Variants in PKD2 observed in about 807,000 individuals in gnomAD.
PKD2 encodes the protein polycystin 2, transient receptor potential cation channel.
Under a neutral mutation model 105.9 loss-of-function variants are expected in PKD2, and 48 were observed. That is an observed-to-expected ratio of 0.45 (90% CI 0.36 to 0.58). The LOEUF (loss-of-function observed/expected upper bound fraction) is 0.58, where lower values mean the gene tolerates loss of function less well. Ranked by LOEUF, PKD2 falls within the 20% of genes least tolerant of loss-of-function variation. PKD2 has a pLI of 0.00. For synonymous variants in PKD2, 464 were observed against 481.1 expected, an observed-to-expected ratio of 0.96 and a Z score of 0.46; for missense variants, 1,078 against 1,255.3, an observed-to-expected ratio of 0.86 and a Z score of 2.13.
At chr4:88,028,759 A>G (rs1009580365) in intron 2 of PKD2, among the ~76,000 whole-genome samples, 3 of 152,248 alleles carry the variant, frequency 2.0e-5, no homozygotes, top group Admixed American at 6.5e-5. Flanking sequence ...CAAAATTCTA[A>G]GTACAGTTTC....
At chr4:88,056,304 A>G (rs761632780) in intron 8 of PKD2, 37 bp downstream of exon 8, 1 of 1,327,934 alleles carries the variant, frequency 7.5e-7, no homozygotes, top group South Asian at 1.2e-5. Context: ...AAATTTAATC[A>G]GAGTTGTCAC....
At chr4:88,015,520 C>G (rs564066381) in intron 1 of PKD2, among the ~76,000 whole-genome samples, 5 of 152,084 alleles carry the variant, frequency 3.3e-5, no homozygotes, top group Non-Finnish European at 5.9e-5. Context: ...TCAAGCGATT[C>G]TCCTGCCTCA....
chr4:88,047,792 G>T (rs959107953), intron 6 of PKD2, among the ~76,000 whole-genome samples: 4 of 152,034 alleles, frequency 2.6e-5, no homozygotes, highest in African/African-American at 9.7e-5. Flanking sequence ...GAGATCAGGA[G>T]TTTGATACCA....
At chr4:88,044,567 A>T (rs770984725) in intron 5 of PKD2, among the ~76,000 whole-genome samples, 8 of 152,228 alleles carry the variant, frequency 5.3e-5, no homozygotes, top group Non-Finnish European at 1.2e-4. Context: ...AGATTTAAGA[A>T]ATTTTTCAGG....
Position 88,038,266 on chromosome 4 carries a change from T to C in PKD2, c.859T>C (p.Leu287=). 6.2e-7 allele frequency: 1 copy of C among 1,614,140 alleles called. No homozygotes were observed. Among genetic ancestry groups the C allele is most frequent in the Non-Finnish European group, 8.5e-7 (1 of 1,179,976 alleles). The change falls in exon 4 of 15, where the codon TTA becomes CTA. Residue 287 remains leucine (L), a synonymous_variant. Coordinates refer to ENST00000237596, the MANE Select transcript of PKD2 (RefSeq NM_000297.4). ...TTGCTTTTAGTTCACAGAAGGCTCCTTATTGGATGGGCTGTACTGGAAGAT... is the reference window on the plus strand; with the variant it reads ...TTGCTTTTAGTTCACAGAAGGCTCCCTATTGGATGGGCTGTACTGGAAGAT... The part of the protein sequence containing the change: ...EDFWKFTEGS[L]LDGLYWKMQP...
intron 2 of PKD2, among the ~76,000 whole-genome samples, chr4:88,029,178 T>C (rs1014511693): frequency 6.6e-6 from 1 of 152,208 alleles, no homozygotes; most frequent in Non-Finnish European, 1.5e-5. Flanking sequence ...ATTCTAGGAC[T>C]TCCCTCTTTG....
chr4:88,071,045 A>T (rs1438033360), intron 13 of PKD2, among the ~76,000 whole-genome samples: 10 of 149,536 alleles, frequency 6.7e-5, no homozygotes, highest in African/African-American at 2.6e-4. Flanking sequence ...TGATGAGACA[A>T]TGTCATCATA....
chr4:88,046,510 G>A (rs948849146), intron 5 of PKD2, 132 bp from the exon 6 acceptor site: 26 of 710,158 alleles, frequency 3.7e-5, no homozygotes, highest in Non-Finnish European at 6.0e-5. Context: ...ATGTTTTGCC[G>A]CTAGTTTGGG....
At position 88,076,582 on chromosome 4, in the gene PKD2, A is replaced by G. The variant is rs945295769; in HGVS notation, c.*888A>G. 1 of 152,230 alleles carries G rather than the reference A, an allele frequency of 6.6e-6. No individual in the cohort carries two copies. The highest frequency in any genetic ancestry group is 2.4e-5 in the African/African-American group (1 of 41,454). 9.4% of individuals were successfully genotyped at this position (152,230 alleles called of 1,614,324 possible). On this transcript the variant is annotated 3_prime_UTR_variant, in exon 15 of 15. Coordinates refer to ENST00000237596, the MANE Select transcript of PKD2 (RefSeq NM_000297.4). ...ACTCATCTAGTGAGACCAACTTACT[A>G]AATTTTTAGTATGCACTGAAAGTTT... is the stretch of plus-strand genomic sequence containing the variant.
At chr4:88,024,506 A>G (rs1164760263) in intron 2 of PKD2, among the ~76,000 whole-genome samples, 3 of 150,804 alleles carry the variant, frequency 2.0e-5, no homozygotes, top group Non-Finnish European at 4.4e-5. Context: ...AAGGAAGGAA[A>G]GAAAAAAAAA....
chr4:88,043,344 A>G lies in PKD2; in HGVS notation c.1206A>G (p.Thr402=), dbSNP rs760461153. 6.2e-7 allele frequency: 1 copy of G among 1,613,950 alleles called. No homozygotes were observed. The highest frequency in any genetic ancestry group is 1.7e-4 in the Middle Eastern group (1 of 6,060). The stretch of plus-strand genomic sequence containing the variant: ...ATTTGTCAAGAACAAGAGAGGAAAC[A>G]GCTGCACAAGTTGCTAGCCTCAAGA... The part of the protein sequence containing the change: ...YLDLSRTREE[T]AAQVASLKKN... Residue 402 remains threonine, a synonymous_variant, in exon 5 of 15, where the codon ACA becomes ACG. Transcript: ENST00000237596.
intron 1 of PKD2, among the ~76,000 whole-genome samples, chr4:88,018,658 T>A (rs1726643276): frequency 6.6e-6 from 1 of 152,212 alleles, no homozygotes; most frequent in Non-Finnish European, 1.5e-5. Context: ...AGTCCAAAAC[T>A]GCGGTCACTC....
intron 1 of PKD2, among the ~76,000 whole-genome samples, chr4:88,015,376 CTT>C (rs1194289101): frequency 6.6e-6 from 1 of 152,120 alleles, no homozygotes; most frequent in Non-Finnish European, 1.5e-5. Flanking sequence ...AATATTCTCT[CTT>C]TGTGATATTT....
rs1450771039 is a variant in PKD2, at chr4:88,077,159, G to A, written c.*1465G>A. 4.6e-5 allele frequency: 7 copies of A among 152,524 alleles called. No homozygotes were observed. The highest frequency in any genetic ancestry group is 1.2e-4 in the African/African-American group (5 of 41,438). The allele number at this position is 152,524 out of a possible 1,614,324, so 9.4% of individuals were successfully genotyped here. A position where few individuals can be genotyped will look rare whatever the true frequency, so the allele number is the denominator to read the frequency against. On this transcript the variant is annotated 3_prime_UTR_variant, in exon 15 of 15. Coordinates refer to ENST00000237596, the MANE Select transcript of PKD2 (RefSeq NM_000297.4). ...CTTGGAGAACCAAGAGAATCCTGTC[G>A]TTTAATGCTATATTTTAATTTCACA...
At chr4:88,021,068 A>T (rs1260477690) in intron 2 of PKD2, among the ~76,000 whole-genome samples, 1 of 152,212 alleles carries the variant, frequency 6.6e-6, no homozygotes, top group Non-Finnish European at 1.5e-5. Context: ...ATGATGCTTA[A>T]ACATTAAACT....
Position 88,051,557 on chromosome 4 carries a change from A to C in PKD2, c.1549-434A>C, listed in dbSNP as rs570671350. Among the ~76,000 whole-genome samples, 7 of 152,328 alleles carry C rather than the reference A, an allele frequency of 4.6e-5. No homozygotes were observed. The South Asian group carries it at 1.5e-3, about 32-fold the overall frequency. On this transcript the variant is annotated intron_variant, in intron 6 of 14. Transcript: ENST00000237596. ...ATTGGAGAATGCAGAGAAACCGAAA[A>C]ATTTTAAATTTAAAAATCACAAATA... is the stretch of plus-strand genomic sequence containing the variant.
At chr4:88,038,958 C>A (rs181060997) in intron 4 of PKD2, among the ~76,000 whole-genome samples, 7 of 152,174 alleles carry the variant, frequency 4.6e-5, no homozygotes, top group Admixed American at 3.9e-4. Context: ...AGGTTTAAAG[C>A]CCATTTTGTT....
intron 1 of PKD2, among the ~76,000 whole-genome samples, chr4:88,013,939 A>T (rs932983671): frequency 5.9e-5 from 9 of 152,158 alleles, no homozygotes; most frequent in Non-Finnish European, 1.0e-4. Context: ...TAGGGGGCTG[A>T]TATGATCATT....
At position 88,053,180 on chromosome 4, in the gene PKD2, C is replaced by T. The variant is rs182433655; in HGVS notation, c.1716+1022C>T. Among the ~76,000 whole-genome samples the T allele has an allele frequency of 2.4e-3, 362 of 152,236 alleles. 2 individuals carry two copies. Among genetic ancestry groups the T allele is most frequent in the African/African-American group, 8.1e-3 (337 of 41,552 alleles). On this transcript the variant is annotated intron_variant, in intron 7 of 14. Coordinates refer to ENST00000237596, the MANE Select transcript of PKD2 (RefSeq NM_000297.4). Reference sequence around the variant, plus strand: ...AGTTAAGCTTAAATACAATTAAAAACGCAGTTCCTTGGTCCTACTGGCCAC... The same window carrying T: ...AGTTAAGCTTAAATACAATTAAAAATGCAGTTCCTTGGTCCTACTGGCCAC...
Sources: allele counts gnomAD v4.1 joint callset (sites outside exome capture counted in the v4.1 genomes callset), GRCh38; gene constraint gnomAD v4.1.1; transcripts MANE v1.5; gene names NCBI Gene and HGNC (gene_info 2026-07-23, HGNC 2026-07-21).